Variants in DCT observed in about 807,000 individuals in gnomAD.
The protein encoded by DCT is L-dopachrome tautomerase.
A neutral mutation model predicts 53.0 loss-of-function variants in DCT; 47 were observed. That is an observed-to-expected ratio of 0.89 (90% CI 0.70 to 1.13). The LOEUF is 1.13. DCT is among the 50% of genes most tolerant of loss of function. The probability of loss-of-function intolerance (pLI) is 0.00; values close to 1 mark genes in which losing one functional copy is unlikely to be tolerated. For synonymous variants in DCT, 244 were observed against 237.0 expected (o/e 1.03, Z -0.27); for missense variants, 669 against 637.4 (o/e 1.05, Z -0.53).
chr13:94,548,201 T>C, the DCT span, among the ~76,000 whole-genome samples: 2 of 151,948 alleles, frequency 1.3e-5, no homozygotes, highest in African/African-American at 2.4e-5. Context: ...TGCTTAATTC[T>C]TGCAACCCTG....
At chr13:94,540,699 GA>G in the DCT span, among the ~76,000 whole-genome samples, 1 of 152,114 alleles carries the variant, frequency 6.6e-6, no homozygotes, top group Admixed American at 6.6e-5. Context: ...CTGTTGGTGG[GA>G]ACATAAATTA....
At chr13:94,531,243 C>A in the DCT span, among the ~76,000 whole-genome samples, 27 of 152,244 alleles carry the variant, frequency 1.8e-4, no homozygotes, top group South Asian at 4.8e-3. Context: ...TCAATGCTAT[C>A]CCCATCAAGC....
chr13:94,439,800 C>T lies in DCT; in HGVS notation c.*98G>A. 1 of 902,434 alleles carries T rather than the reference C, an allele frequency of 1.1e-6. No homozygotes were observed. The highest frequency in any genetic ancestry group is 1.7e-6 in the Non-Finnish European group (1 of 591,474). The allele number at this position is 902,434 out of a possible 1,614,324, so 55.9% of individuals were successfully genotyped here. On this transcript the variant is annotated 3_prime_UTR_variant, in exon 8 of 8. Transcript: ENST00000377028. ...CTATAGAAGAACCTATGTCAAAGAT[C>T]TTCAACTCAAGAAGGAACAGTGAGG...
chr13:94,548,908 C>G, the DCT span, among the ~76,000 whole-genome samples: 1 of 151,684 alleles, frequency 6.6e-6, no homozygotes, highest in Admixed American at 6.6e-5. Context: ...GCCCCACTGC[C>G]AGAGCTGCCT....
At chr13:94,537,582 TGAA>T in the DCT span, among the ~76,000 whole-genome samples, 1 of 152,210 alleles carries the variant, frequency 6.6e-6, no homozygotes, top group Admixed American at 6.5e-5. Context: ...GCTGCCATGT[TGAA>T]GAAGATGTAG....
At chr13:94,459,547 T>A (rs2139321262) in intron 6 of DCT, among the ~76,000 whole-genome samples, 1 of 152,326 alleles carries the variant, frequency 6.6e-6, no homozygotes, top group South Asian at 2.1e-4. Flanking sequence ...CTGCTGTTGA[T>A]GTTCTAGGAG....
intron 6 of DCT, among the ~76,000 whole-genome samples, chr13:94,443,879 A>G (rs192603687): frequency 4.1e-4 from 63 of 152,356 alleles, no homozygotes; most frequent in Admixed American, 5.9e-4. Flanking sequence ...TCAACGATGT[A>G]TGAATCTCTC....
At chr13:94,450,558 T>C (rs1883013083) in intron 6 of DCT, among the ~76,000 whole-genome samples, 1 of 152,092 alleles carries the variant, frequency 6.6e-6, no homozygotes, top group Non-Finnish European at 1.5e-5. Flanking sequence ...ATACATTGTA[T>C]ACAAGCTCTA....
Position 94,460,332 on chromosome 13 carries a change from G to A in DCT, c.1044-106C>T, listed in dbSNP as rs78289033. On this transcript the variant is annotated intron_variant, in intron 5 of 7. Coordinates refer to ENST00000377028, the MANE Select transcript of DCT (RefSeq NM_001922.5). ...GTTGTCTAATTTGAGATTGGGTAGG[G>A]ATATGGGAAGCTCTGTCATAGCAAA... 1,587 of 1,015,920 alleles carry A rather than the reference G, an allele frequency of 1.6e-3. 18 individuals are homozygous for A. In the African/African-American group the frequency reaches 0.023, roughly 15 times the overall value. The allele number at this position is 1,015,920 out of a possible 1,614,324, so 62.9% of individuals were successfully genotyped here. A position where few individuals can be genotyped will look rare whatever the true frequency, so the allele number is the denominator to read the frequency against.
chr13:94,460,223 A>T lies in DCT; in HGVS notation c.1047T>A (p.Asn349Lys), dbSNP rs1328759981. The change falls in exon 6 of 8, where the codon AAT becomes AAA. Residue 349 changes from asparagine (N) to lysine (K), a missense_variant. Asn to Lys is a moderately conservative substitution (Grantham distance 94). Transcript: ENST00000377028. ...CTGCTTTATCAAACCCTTCCAAAGC[A>T]TTCCTAGGAGAAACAAGTATATCAG... is the stretch of plus-strand genomic sequence containing the variant. Reference protein sequence around the residue: ...FFQNSTFSFRNALEGFDKADG... With the variant: ...FFQNSTFSFRKALEGFDKADG... 8 of 1,613,326 alleles carry T rather than the reference A, an allele frequency of 5.0e-6. No homozygotes were observed. In the East Asian group the frequency reaches 6.7e-5, roughly 13 times the overall value.
the DCT span, among the ~76,000 whole-genome samples, chr13:94,502,604 G>A: frequency 2.0e-5 from 3 of 152,072 alleles, no homozygotes; most frequent in Non-Finnish European, 4.4e-5. Flanking sequence ...CCAGTCCTTC[G>A]CTTGCTTGGC....
the DCT span, among the ~76,000 whole-genome samples, chr13:94,492,745 A>C: frequency 6.6e-6 from 1 of 152,260 alleles, no homozygotes; most frequent in African/African-American, 2.4e-5. Context: ...ACAGAAAAGA[A>C]AATGTAAATC....
the DCT span, among the ~76,000 whole-genome samples, chr13:94,511,890 G>T: frequency 6.6e-6 from 1 of 151,428 alleles, no homozygotes; most frequent in Non-Finnish European, 1.5e-5. Flanking sequence ...AGAGATGGGG[G>T]TCTTGCTCTG....
At chr13:94,525,121 G>A in the DCT span, among the ~76,000 whole-genome samples, 60,963 of 151,314 alleles carry the variant, frequency 0.4, 12,987 homozygotes, top group East Asian at 0.61. Flanking sequence ...TTTTTTGGAG[G>A]TGGAGTTTCC....
At chr13:94,515,335 G>A in the DCT span, among the ~76,000 whole-genome samples, 1 of 152,156 alleles carries the variant, frequency 6.6e-6, no homozygotes. Flanking sequence ...AAATAAACAA[G>A]GTTCTAAACC....
intron 6 of DCT, among the ~76,000 whole-genome samples, chr13:94,455,526 A>G (rs1260854933): frequency 6.6e-6 from 1 of 152,220 alleles, no homozygotes. Context: ...GTTTTTGTAA[A>G]TAACGTTTTA....
At chr13:94,516,894 A>C in the DCT span, among the ~76,000 whole-genome samples, 1 of 152,186 alleles carries the variant, frequency 6.6e-6, no homozygotes, top group Non-Finnish European at 1.5e-5. Flanking sequence ...ATTCTGTTAT[A>C]AGCAACAGAA....
At chr13:94,471,439 G>A (rs890961706) in intron 1 of DCT, among the ~76,000 whole-genome samples, 1 of 152,088 alleles carries the variant, frequency 6.6e-6, no homozygotes, top group Non-Finnish European at 1.5e-5. Context: ...CAATGTTTTT[G>A]AATAGTTTAA....
Position 94,465,818 on chromosome 13 carries a change from C to A in DCT, c.697-19G>T. On this transcript the variant is annotated intron_variant, in intron 3 of 7. Transcript: ENST00000377028. The stretch of plus-strand genomic sequence containing the variant: ...TGAGTCGCTAAAAGCAAAGGGCAGG[C>A]CTAGTCATTTAATCCATGCCATCAG... The A allele has an allele frequency of 6.2e-7, 1 of 1,603,592 alleles. No individual in the cohort carries two copies. Among genetic ancestry groups the A allele is most frequent in the African/African-American group, 1.3e-5 (1 of 74,418 alleles).
Sources: allele counts gnomAD v4.1 joint callset (sites outside exome capture counted in the v4.1 genomes callset), GRCh38; gene constraint gnomAD v4.1.1; transcripts MANE v1.5; gene names NCBI Gene and HGNC (gene_info 2026-07-23, HGNC 2026-07-21).